LMNTD2: variants seen among roughly 807,000 people sequenced by gnomAD.
LMNTD2 encodes lamin tail domain-containing protein 2.
A neutral mutation model predicts 70.1 loss-of-function variants in LMNTD2; 83 were observed. The observed-to-expected ratio is 1.18, with a 90% confidence interval of 0.99 to 1.42. The LOEUF is 1.42. Ranked by LOEUF, LMNTD2 falls within the 40% of genes most tolerant of loss-of-function variation. The pLI, the probability that LMNTD2 is intolerant of heterozygous loss-of-function variation, is 0.00. For synonymous variants in LMNTD2, 534 were observed against 406.1 expected, an observed-to-expected ratio of 1.31 and a Z score of -3.79; for missense variants, 1,153 against 905.9, an observed-to-expected ratio of 1.27 and a Z score of -3.50.
In LMNTD2 at chr11:558,046, C is replaced by A; in HGVS notation, c.400-7G>T. 1 of 1,580,930 alleles carries A rather than the reference C, an allele frequency of 6.3e-7. No homozygotes were observed. Among genetic ancestry groups the A allele is most frequent in the Non-Finnish European group, 8.6e-7 (1 of 1,162,156 alleles). ...CCTCCAGGTGCTCCTTCTCCTGCTC[C>A]GAGAGGGCCTGTGGTTGGTGGTGGG... On this transcript the variant is annotated splice_polypyrimidine_tract_variant and splice_region_variant and intron_variant, in intron 4 of 13. Coordinates refer to ENST00000329451, the MANE Select transcript of LMNTD2 (RefSeq NM_173573.3).
rs1318700830 is a variant in LMNTD2, at chr11:557,008, C to A, written c.803G>T (p.Gly268Val). The A allele has an allele frequency of 2.5e-6, 4 of 1,608,560 alleles. No individual in the cohort carries two copies. The highest frequency in any genetic ancestry group is 3.4e-6 in the Non-Finnish European group (4 of 1,178,940). The change falls in exon 8 of 14, where the codon GGC becomes GTC. Residue 268 changes from glycine to valine, a missense_variant. Physicochemically the swap from Gly to Val is moderately radical, Grantham distance 109. Coordinates refer to ENST00000329451, the MANE Select transcript of LMNTD2 (RefSeq NM_173573.3). ...GCTGGTGTTCAGACAGGGCAGGGAG[C>A]CCCACTCCACGGTCTTGTGATGCCG... is the stretch of plus-strand genomic sequence containing the variant. The part of the protein sequence containing the change: ...SERHHKTVEW[G>V]SLPCLNTSSS...
rs142285416 is a variant in LMNTD2 at position 559,795 on chromosome 11, C to T, written c.35-816G>A. The T allele has an allele frequency of 1.4e-4, 144 of 1,031,644 alleles. 1 individual carries two copies. The East Asian group carries it at 1.7e-3, about 12-fold the overall frequency. The allele number at this position is 1,031,644 out of a possible 1,614,324, so 63.9% of individuals were successfully genotyped here. On this transcript the variant is annotated intron_variant, in intron 1 of 13. Transcript: ENST00000329451. Reference sequence around the variant, plus strand: ...ATTCTTTAGAGACAGGGTCTTGCTCCGCTGTCCAGGCTGGAATGCTTCGGT... The same window carrying T: ...ATTCTTTAGAGACAGGGTCTTGCTCTGCTGTCCAGGCTGGAATGCTTCGGT...
chr11:559,106 G>T, intron 1 of LMNTD2, 127 bp from the exon 2 acceptor site: 1 of 1,510,708 alleles, frequency 6.6e-7, no homozygotes, highest in Non-Finnish European at 8.8e-7. Flanking sequence ...GCCTCGTGTG[G>T]CCACACAGGT....
Position 560,676 on chromosome 11 carries a change from C to CACCT in LMNTD2, c.34+3_34+6dup, listed in dbSNP as rs1385385761. On this transcript the variant is annotated splice_region_variant and intron_variant, in intron 1 of 13. Coordinates refer to ENST00000329451, the MANE Select transcript of LMNTD2 (RefSeq NM_173573.3). Reference sequence around the variant, plus strand: ...AAGTCGGCCCAGGAGCGGGGCCAGACACCTACCCCGACGCCTGCCCGCGGG... The same window carrying CACCT: ...AAGTCGGCCCAGGAGCGGGGCCAGACACCTACCTACCCCGACGCCTGCCCGCGGG... The CACCT allele has an allele frequency of 7.0e-7, 1 of 1,436,478 alleles. No homozygotes were observed. The highest frequency in any genetic ancestry group is 9.2e-7 in the Non-Finnish European group (1 of 1,085,930). The allele number at this position is 1,436,478 out of a possible 1,614,324, so 89.0% of individuals were successfully genotyped here.
chr11:555,830 G>A lies in LMNTD2; in HGVS notation c.1478C>T (p.Ala493Val), dbSNP rs1374285158. 5 of 1,547,548 alleles carry A rather than the reference G, an allele frequency of 3.2e-6. No individual in the cohort carries two copies. In the Admixed American group the frequency reaches 6.2e-5, roughly 19 times the overall value. Residue 493 changes from alanine to valine, a missense_variant, in exon 12 of 14, where the codon GCC becomes GTC. By Grantham distance (64) the Ala-to-Val change is moderately conservative. Coordinates refer to ENST00000329451, the MANE Select transcript of LMNTD2 (RefSeq NM_173573.3). Reference sequence around the variant, plus strand: ...CTTGCGGGTGTCGGCGCCGGGCCCGGCCTCAGGGAGCGGGAAGCGGTCGAT... The same window carrying A: ...CTTGCGGGTGTCGGCGCCGGGCCCGACCTCAGGGAGCGGGAAGCGGTCGAT... ...LSIDRFPLPEAGPGADTRKPP... is the reference protein window; with the variant it reads ...LSIDRFPLPEVGPGADTRKPP...
chr11:555,015 G>A lies in LMNTD2; in HGVS notation c.1870C>T (p.Leu624=), dbSNP rs764005569. 3 of 1,592,320 alleles carry A rather than the reference G, an allele frequency of 1.9e-6. No homozygotes were observed. In the East Asian group the frequency reaches 7.0e-5, roughly 37 times the overall value. Residue 624 remains leucine, a synonymous_variant, in exon 14 of 14, where the codon CTG becomes TTG. Transcript: ENST00000329451. ...SRFGFRFLSC[L]PVTADTCRGA is the part of the protein sequence containing the mutation. Reference sequence around the variant, plus strand: ...CGGCAGGTGTCCGCGGTGACCGGCAGGCAGCTGAGGAAGCGGAAGCCGAAT... The same window carrying A: ...CGGCAGGTGTCCGCGGTGACCGGCAAGCAGCTGAGGAAGCGGAAGCCGAAT...
At chr11:560,553 G>C in intron 1 of LMNTD2, 130 bp downstream of exon 1, 1 of 1,283,232 alleles carries the variant, frequency 7.8e-7, no homozygotes, top group Non-Finnish European at 9.9e-7. Flanking sequence ...GAGGGGAGGG[G>C]CTGGCCCCGC....
chr11:560,504 C>T (rs1483626920), intron 1 of LMNTD2, 179 bp downstream of exon 1: 40 of 1,269,604 alleles, frequency 3.2e-5, no homozygotes, highest in Non-Finnish European at 3.7e-5. Context: ...GTCCAGACTA[C>T]TGCAGCTGCG....
Position 556,991 on chromosome 11 carries a change from TCA to T in LMNTD2, c.818_819del (p.Leu273GlnfsTer9). 1 of 1,608,292 alleles carries T rather than the reference TCA, an allele frequency of 6.2e-7. No individual in the cohort carries two copies. The highest frequency in any genetic ancestry group is 8.5e-7 in the Non-Finnish European group (1 of 1,179,098). On this transcript the variant is annotated frameshift_variant, in exon 8 of 14. Transcript: ENST00000329451. LOFTEE classifies it high-confidence loss of function. ...KTVEWGSLPCLNTSSSGGADS... is the reference protein window; with the variant it reads ...KTVEWGSLPCXNTSSSGGADS... ...TCAGCGCCCCCTGAGCTGCTGGTGT[TCA>T]GACAGGGCAGGGAGCCCCACTCCAC...
Position 556,258 on chromosome 11 carries a change from G to A in LMNTD2, c.1191C>T (p.Arg397=), listed in dbSNP as rs771420897. The change falls in exon 10 of 14, where the codon CGC becomes CGT. Residue 397 remains arginine, a synonymous_variant. Transcript: ENST00000329451. ...AGCGGTACAGGCGCTCCGGGAAGCC[G>A]CGCACCAGCTGCTTCAGCACCATGC... ...LSGMVLKQLV[R]GFPERLYRFP... is the part of the protein sequence containing the mutation. The A allele has an allele frequency of 1.9e-5, 29 of 1,530,662 alleles. 1 individual carries two copies. In the South Asian group the frequency reaches 2.7e-4, roughly 14 times the overall value. 94.8% of individuals were successfully genotyped at this position (1,530,662 alleles called of 1,614,324 possible). A position where few individuals can be genotyped will look rare whatever the true frequency, so the allele number is the denominator to read the frequency against.
chr11:557,491 G>A lies in LMNTD2; in HGVS notation c.625-4C>T, dbSNP rs530319559. ...CCACGTCCTCCAGCCGAAAGCCCTG[G>A]CCAGGAAGCAAGAGGCACATGGTCC... is the stretch of plus-strand genomic sequence containing the variant. On this transcript the variant is annotated splice_region_variant and splice_polypyrimidine_tract_variant and intron_variant, in intron 6 of 13. Transcript: ENST00000329451. 3.7e-6 allele frequency: 6 copies of A among 1,612,870 alleles called. No individual in the cohort carries two copies. In the South Asian group the frequency reaches 5.5e-5, roughly 15 times the overall value.
intron 1 of LMNTD2, chr11:560,462 C>G (rs867058242): frequency 1.6e-6 from 2 of 1,253,978 alleles, no homozygotes; most frequent in Non-Finnish European, 1.0e-6. Flanking sequence ...CTCGCCGGGA[C>G]TGGTGACCCT....
chr11:555,846 A>G lies in LMNTD2; in HGVS notation c.1462T>C (p.Phe488Leu). The change falls in exon 12 of 14, where the codon TTC (phenylalanine) becomes CTC (leucine). Residue 488 changes from phenylalanine (F) to leucine (L), a missense_variant. By Grantham distance (22) the Phe-to-Leu change is conservative. Coordinates refer to ENST00000329451, the MANE Select transcript of LMNTD2 (RefSeq NM_173573.3). The part of the protein sequence containing the change: ...ADGTDLSIDR[F>L]PLPEAGPGAD... Reference sequence around the variant, plus strand: ...CCGGGCCCGGCCTCAGGGAGCGGGAAGCGGTCGATGGACAAGTCGGTGCCG... The same window carrying G: ...CCGGGCCCGGCCTCAGGGAGCGGGAGGCGGTCGATGGACAAGTCGGTGCCG... 6.4e-7 allele frequency: 1 copy of G among 1,554,120 alleles called. No individual in the cohort carries two copies. The highest frequency in any genetic ancestry group is 1.4e-5 in the African/African-American group (1 of 69,980).
rs1413414087 is a variant in LMNTD2 at position 554,919 on chromosome 11, C to T, written c.*61G>A. 1 of 1,259,804 alleles carries T rather than the reference C, an allele frequency of 7.9e-7. No homozygotes were observed. The highest frequency in any genetic ancestry group is 2.9e-5 in the East Asian group (1 of 34,704). 78.0% of individuals were successfully genotyped at this position (1,259,804 alleles called of 1,614,324 possible). A position where few individuals can be genotyped will look rare whatever the true frequency, so the allele number is the denominator to read the frequency against. On this transcript the variant is annotated 3_prime_UTR_variant, in exon 14 of 14. Coordinates refer to ENST00000329451, the MANE Select transcript of LMNTD2 (RefSeq NM_173573.3). ...CAATAAATGATGCAGCGGACACAGC[C>T]CGCCCAGCCCCGGCGCCCGCCCGCG...
intron 9 of LMNTD2, 53 bp from the exon 10 acceptor site, chr11:556,428 T>G (rs911395899): frequency 9.7e-6 from 15 of 1,544,890 alleles, no homozygotes; most frequent in Non-Finnish European, 1.3e-5. Flanking sequence ...CCCGCACAGC[T>G]GCGCGCCCCG....
Position 555,457 on chromosome 11 carries a change from CGTG to C in LMNTD2, c.1618_1620del (p.His540del). 7.3e-7 allele frequency: 1 copy of C among 1,375,554 alleles called. No homozygotes were observed. Among genetic ancestry groups the C allele is most frequent in the Non-Finnish European group, 9.3e-7 (1 of 1,070,230 alleles). 85.2% of individuals were successfully genotyped at this position (1,375,554 alleles called of 1,614,324 possible). On this transcript the variant is annotated inframe_deletion, in exon 13 of 14. Coordinates refer to ENST00000329451, the MANE Select transcript of LMNTD2 (RefSeq NM_173573.3). ...TCGGGCCGCGCAGGCCCCTCCCGCG[CGTG>C]GAAGAGCTTCCCCGAGCTCACTGGG...
chr11:557,551 C>T, intron 6 of LMNTD2, 21 bp downstream of exon 6: 2 of 1,613,454 alleles, frequency 1.2e-6, no homozygotes, highest in Non-Finnish European at 1.7e-6. Context: ...CCAGACCACA[C>T]ACGTGGGAGG....
rs1047767928 is a variant in LMNTD2 at position 556,286 on chromosome 11, C to T, written c.1163G>A (p.Ser388Asn). 3.9e-6 allele frequency: 6 copies of T among 1,535,458 alleles called. No individual in the cohort carries two copies. The South Asian group carries it at 4.8e-5, about 12-fold the overall frequency. ...CACCAGCTGCTTCAGCACCATGCCG[C>T]TCAGGTCGGCCGTGCTCTCCTGCGA... ...NPSQESTADLSGMVLKQLVRG... is the reference protein window; with the variant it reads ...NPSQESTADLNGMVLKQLVRG... The change falls in exon 10 of 14, where the codon AGC becomes AAC. Residue 388 changes from serine (S) to asparagine (N), a missense_variant. Coordinates refer to ENST00000329451, the MANE Select transcript of LMNTD2 (RefSeq NM_173573.3).
At chr11:558,317 CGAAGGAGGGGA>C (rs996716656) in intron 3 of LMNTD2, 69 bp from the exon 4 acceptor site, 30 of 1,528,302 alleles carry the variant, frequency 2.0e-5, no homozygotes, top group Middle Eastern at 1.7e-4. Flanking sequence ...AGGTCAGTGG[CGAAGGAGGGGA>C]GAAGGAGGGG....
Sources: gnomAD v4.1 joint callset for allele counts on GRCh38, gnomAD v4.1.1 for gene constraint, MANE v1.5 for transcripts, NCBI Gene and HGNC (gene_info 2026-07-23, HGNC 2026-07-21) for gene names.